The following DSCAML1 variants were observed in gnomAD, a reference collection of about 807,000 sequenced individuals.
DSCAML1 encodes cell adhesion molecule DSCAML1.
A neutral mutation model predicts 200.5 loss-of-function variants in DSCAML1; 38 were observed. That is an observed-to-expected ratio of 0.19 (90% CI 0.15 to 0.25). The LOEUF (loss-of-function observed/expected upper bound fraction) is 0.25, where lower values mean the gene tolerates loss of function less well. Ranked by LOEUF, DSCAML1 falls within the 10% of genes least tolerant of loss-of-function variation. DSCAML1 has a pLI of 1.00. For synonymous variants in DSCAML1, 1,215 were observed against 1,165.0 expected (o/e 1.04, Z -0.87); for missense variants, 2,223 against 2,858.8 (o/e 0.78, Z 5.07).
intron 3 of DSCAML1, among the ~76,000 whole-genome samples, chr11:117,643,793 A>C (rs979602094): frequency 6.6e-6 from 1 of 152,132 alleles, no homozygotes; most frequent in African/African-American, 2.4e-5. Context: ...ATCAGGCTCC[A>C]GTGTCCTCAC....
intron 20 of DSCAML1, among the ~76,000 whole-genome samples, chr11:117,449,907 C>T (rs147278047): frequency 3.9e-5 from 6 of 152,308 alleles, no homozygotes; most frequent in African/African-American, 9.6e-5. Context: ...CCTCCCTTCC[C>T]TCTCTGTGGG....
chr11:117,461,459 C>A lies in DSCAML1; in HGVS notation c.3403G>T (p.Val1135Phe), dbSNP rs894299545. 1.1e-5 allele frequency: 18 copies of A among 1,614,216 alleles called. No individual in the cohort carries two copies. The South Asian group carries it at 2.0e-4, about 18-fold the overall frequency. Residue 1135 changes from valine to phenylalanine, a missense_variant, in exon 18 of 33, where the codon GTT (valine) becomes TTT (phenylalanine). By Grantham distance (50) the Val-to-Phe change is conservative. Around this residue, in one of 7 missense-constraint regions of DSCAML1, gnomAD observed 438 missense variants for 629.7 expected, o/e 0.70. Coordinates refer to ENST00000651296, the MANE Select transcript of DSCAML1 (RefSeq NM_020693.4). ...GTCCCAGCAGACTCACCCCCATCAA[C>A]ATAGAGGGACCAGAAGATGACCCGA... ...GYRVIFWSLY[V>F]DGEWGEMQNI... is the part of the protein sequence containing the mutation.
intron 11 of DSCAML1, among the ~76,000 whole-genome samples, chr11:117,488,036 G>A (rs911993092): frequency 6.6e-6 from 1 of 152,186 alleles, no homozygotes; most frequent in Non-Finnish European, 1.5e-5. Context: ...TGATGAAGTG[G>A]TTCTATGAAT....
chr11:117,502,822 G>A (rs778919988), intron 11 of DSCAML1, among the ~76,000 whole-genome samples: 1 of 152,136 alleles, frequency 6.6e-6, no homozygotes, highest in Non-Finnish European at 1.5e-5. Flanking sequence ...GAAATGTAAC[G>A]GGTAAGGCCC....
At chr11:117,806,161 C>G (rs73586836) in intron 1 of DSCAML1, among the ~76,000 whole-genome samples, 1,736 of 152,290 alleles carry the variant, frequency 0.011, 26 homozygotes, top group African/African-American at 0.039. Context: ...GTTGGATGAT[C>G]TTTACAGTCT....
chr11:117,461,921 C>T (rs2048490481), intron 17 of DSCAML1, among the ~76,000 whole-genome samples: 1 of 152,210 alleles, frequency 6.6e-6, no homozygotes, highest in Non-Finnish European at 1.5e-5. Context: ...AATTCCCCAA[C>T]AGGCCACCAC....
At chr11:117,641,149 A>G (rs2052397292) in intron 3 of DSCAML1, among the ~76,000 whole-genome samples, 1 of 152,350 alleles carries the variant, frequency 6.6e-6, no homozygotes, top group African/African-American at 2.4e-5. Flanking sequence ...CCAGCCATCC[A>G]GCCAAGTACG....
chr11:117,475,434 T>C (rs1403236884), intron 14 of DSCAML1, among the ~76,000 whole-genome samples: 3 of 152,166 alleles, frequency 2.0e-5, no homozygotes, highest in Non-Finnish European at 4.4e-5. Context: ...CCCAGCCTTA[T>C]CTTTCTCTAT....
chr11:117,773,378 T>G (rs1445862185), intron 3 of DSCAML1, among the ~76,000 whole-genome samples: 1 of 152,016 alleles, frequency 6.6e-6, no homozygotes, highest in African/African-American at 2.4e-5. Context: ...GAAATCAAAG[T>G]CAACACAGTT....
At chr11:117,807,084 G>C (rs2055712917) in intron 1 of DSCAML1, among the ~76,000 whole-genome samples, 1 of 152,230 alleles carries the variant, frequency 6.6e-6, no homozygotes, top group Non-Finnish European at 1.5e-5. Context: ...CTTCCCCCAA[G>C]CCACACGCCA....
At position 117,437,857 on chromosome 11, in the gene DSCAML1, C is replaced by G. The variant is rs370025275; in HGVS notation, c.4432+38G>C. 1.3e-6 allele frequency: 2 copies of G among 1,563,302 alleles called. No individual in the cohort carries two copies. The highest frequency in any genetic ancestry group is 1.7e-6 in the Non-Finnish European group (2 of 1,158,984). On this transcript the variant is annotated intron_variant, in intron 25 of 32. Transcript: ENST00000651296. This position sits in a 1 kb window ranked among gnomAD's most constrained non-coding sequence, Gnocchi z 5.3. ...CCCCTCTAGCCCACCCTCCCTGGGC[C>G]CATCGCTCCTTCCCTGCCCCAGTGG...
chr11:117,769,480 AAT>A (rs2054990763), intron 3 of DSCAML1, among the ~76,000 whole-genome samples: 1 of 63,416 alleles, frequency 1.6e-5, no homozygotes, highest in Non-Finnish European at 2.7e-5. Context: ...TTATATATAT[AAT>A]ATATATTTTA....
At chr11:117,499,109 C>T (rs908320952) in intron 11 of DSCAML1, among the ~76,000 whole-genome samples, 6 of 152,154 alleles carry the variant, frequency 3.9e-5, no homozygotes, top group South Asian at 2.1e-4. Context: ...ACCTGCCTCT[C>T]GTTGAAGAAT....
chr11:117,729,203 A>T (rs2054179813), intron 3 of DSCAML1, among the ~76,000 whole-genome samples: 1 of 152,248 alleles, frequency 6.6e-6, no homozygotes, highest in Non-Finnish European at 1.5e-5. Context: ...GTGCTATAGC[A>T]ACTGGATATC....
chr11:117,481,286 CAGGGGCAGGAG>C lies in DSCAML1; in HGVS notation c.2560-27_2560-17del. On this transcript the variant is annotated splice_polypyrimidine_tract_variant and intron_variant, in intron 12 of 32. Transcript: ENST00000651296. ...CGGGCTTGAGCTGGGAGACCACCAG[CAGGGGCAGGAG>C]AGGGAGTAAACAGGGAGAGTCTTTT... The C allele has an allele frequency of 1.2e-6, 2 of 1,613,074 alleles. No homozygotes were observed. The highest frequency in any genetic ancestry group is 1.7e-6 in the Non-Finnish European group (2 of 1,179,624).
intron 4 of DSCAML1, among the ~76,000 whole-genome samples, chr11:117,531,725 AAAAC>A (rs1430979170): frequency 6.6e-6 from 1 of 152,020 alleles, no homozygotes; most frequent in Non-Finnish European, 1.5e-5. Flanking sequence ...CTCTACTAAA[AAAAC>A]ACAAAAATTA....
chr11:117,554,959 G>A (rs1365451990), intron 3 of DSCAML1, among the ~76,000 whole-genome samples: 3 of 152,126 alleles, frequency 2.0e-5, no homozygotes, highest in East Asian at 3.9e-4. Context: ...CTGCTTCCAC[G>A]TCCCCTGCCT....
intron 3 of DSCAML1, among the ~76,000 whole-genome samples, chr11:117,693,963 T>A (rs894088378): frequency 1.3e-5 from 2 of 151,904 alleles, no homozygotes; most frequent in African/African-American, 4.8e-5. Context: ...AGATGACTTA[T>A]TTTGAATGTA....
chr11:117,605,634 C>T (rs568221), intron 3 of DSCAML1, among the ~76,000 whole-genome samples: 53,192 of 152,020 alleles, frequency 0.35, 9,967 homozygotes, highest in African/African-American at 0.49. Context: ...GTGTCTGAGG[C>T]GGGATGGGTG....
Sources: gnomAD v4.1 joint callset for allele counts (sites outside exome capture counted in the v4.1 genomes callset) on GRCh38, gnomAD v4.1.1 for gene constraint, gnomAD v4.1.1 regional missense constraint, Gnocchi (gnomAD v3.1) non-coding constraint, MANE v1.5 for transcripts, NCBI Gene and HGNC (gene_info 2026-07-23, HGNC 2026-07-21) for gene names.